The following ERC2 variants were observed in gnomAD, a reference collection of about 807,000 sequenced individuals.
ERC2 encodes ERC protein 2.
In ERC2, 42 loss-of-function variants were observed where a neutral mutation model predicts 114.8. The observed-to-expected ratio is 0.37, with a 90% CI of 0.29 to 0.47. The LOEUF (loss-of-function observed/expected upper bound fraction) is 0.47. ERC2 is among the 20% of genes least tolerant of loss of function. ERC2 has a pLI of 0.99. For missense variants in ERC2, 939 were observed against 1,150.7 expected, an observed-to-expected ratio of 0.82 and a Z score of 2.66; for synonymous variants, 454 against 425.5, an observed-to-expected ratio of 1.07 and a Z score of -0.82.
intron 2 of ERC2, among the ~76,000 whole-genome samples, chr3:56,387,592 G>A (rs1210391381): frequency 2.0e-5 from 3 of 152,264 alleles, no homozygotes; most frequent in Middle Eastern, 3.4e-3. Flanking sequence ...CAACACTGTC[G>A]CCTTTGCTAA....
chr3:55,579,033 T>C (rs2057128015), intron 17 of ERC2, among the ~76,000 whole-genome samples: 1 of 152,168 alleles, frequency 6.6e-6, no homozygotes, highest in South Asian at 2.1e-4. Flanking sequence ...TACATTCTGT[T>C]GGTCAAAGGA....
intron 2 of ERC2, among the ~76,000 whole-genome samples, chr3:56,386,635 G>A (rs2059943282): frequency 6.6e-6 from 1 of 151,984 alleles, no homozygotes; most frequent in Non-Finnish European, 1.5e-5. Context: ...AGCAGGGCTT[G>A]GGACCTGCTG....
chr3:56,136,204 A>T (rs2080495744), intron 6 of ERC2, among the ~76,000 whole-genome samples: 1 of 152,088 alleles, frequency 6.6e-6, no homozygotes, highest in South Asian at 2.1e-4. Flanking sequence ...CTGGTAGCAA[A>T]ACCTTCTTTA....
chr3:55,966,334 T>C (rs1388077955), intron 12 of ERC2, among the ~76,000 whole-genome samples: 1 of 152,120 alleles, frequency 6.6e-6, no homozygotes, highest in Admixed American at 6.6e-5. Flanking sequence ...CCCTTTCTAG[T>C]TTCCACCTGG....
At chr3:56,071,472 T>C (rs1560123689) in intron 7 of ERC2, among the ~76,000 whole-genome samples, 1 of 152,236 alleles carries the variant, frequency 6.6e-6, no homozygotes, top group Non-Finnish European at 1.5e-5. Context: ...CATGTCTTCC[T>C]GTCTTCAAGA....
chr3:55,821,739 A>G (rs905652894), intron 14 of ERC2, among the ~76,000 whole-genome samples: 2 of 152,208 alleles, frequency 1.3e-5, no homozygotes, highest in African/African-American at 4.8e-5. Flanking sequence ...CATTAACCTA[A>G]TAACACCTAA....
At chr3:55,975,537 TAAA>T (rs1371786329) in intron 12 of ERC2, among the ~76,000 whole-genome samples, 1 of 152,200 alleles carries the variant, frequency 6.6e-6, no homozygotes, top group Non-Finnish European at 1.5e-5. Context: ...TTTTGTCTTT[TAAA>T]AAAATTTCAT....
chr3:55,724,744 T>C (rs1385734063), intron 15 of ERC2, among the ~76,000 whole-genome samples: 1 of 152,182 alleles, frequency 6.6e-6, no homozygotes, highest in East Asian at 1.9e-4. Context: ...TAAGCCTCAC[T>C]GAAGCAATGT....
At chr3:56,300,553 A>T (rs1016066178) in intron 2 of ERC2, among the ~76,000 whole-genome samples, 1 of 152,210 alleles carries the variant, frequency 6.6e-6, no homozygotes, top group Non-Finnish European at 1.5e-5. Context: ...AAACTGTAAA[A>T]GCAAAGAGGT....
Position 56,434,584 on chromosome 3 carries a change from C to T in ERC2, c.424G>A (p.Val142Ile), listed in dbSNP as rs779782916. 1 of 1,613,944 alleles carries T rather than the reference C, an allele frequency of 6.2e-7. No individual in the cohort carries two copies. The highest frequency in any genetic ancestry group is 8.5e-7 in the Non-Finnish European group (1 of 1,179,898). The change falls in exon 2 of 18, where the codon GTA becomes ATA. Residue 142 changes from valine to isoleucine, a missense_variant. By Grantham distance (29) the Val-to-Ile change is conservative. This residue lies in a region of ERC2 where 281 missense variants were observed against 307.4 expected (regional missense o/e 0.91). Coordinates refer to ENST00000288221, the MANE Select transcript of ERC2 (RefSeq NM_015576.3). ...HHQVPSMLRQ[V>I]RDSTMLDLQA... ...AGATCTAACATTGTGCTGTCTCTTA[C>T]CTGCCTCAACATGGAGGGGACCTGG...
chr3:56,258,573 G>A (rs2052683854), intron 3 of ERC2, among the ~76,000 whole-genome samples: 2 of 152,226 alleles, frequency 1.3e-5, no homozygotes, highest in Admixed American at 1.3e-4. Flanking sequence ...AGAATGGCGT[G>A]AACCCGGGAG....
intron 3 of ERC2, among the ~76,000 whole-genome samples, chr3:56,266,285 C>A (rs959385829): frequency 2.0e-5 from 3 of 151,242 alleles, no homozygotes; most frequent in Admixed American, 6.6e-5. Context: ...CGCCCACCAC[C>A]ATGCCCAGCT....
At chr3:56,087,335 T>C (rs965532819) in intron 6 of ERC2, among the ~76,000 whole-genome samples, 1 of 152,110 alleles carries the variant, frequency 6.6e-6, no homozygotes, top group African/African-American at 2.4e-5. Context: ...GGCAATGAAA[T>C]TGGCAAAACG....
intron 1 of ERC2, among the ~76,000 whole-genome samples, chr3:56,453,338 T>C (rs1314705262): frequency 6.6e-6 from 1 of 152,188 alleles, no homozygotes; most frequent in Non-Finnish European, 1.5e-5. Flanking sequence ...AAAGGCTCCT[T>C]CAGCCTGTGT....
rs923968976 is a variant in ERC2, at chr3:55,798,548, A to G, written c.2565-63630T>C. Reference sequence around the variant, plus strand: ...GGGAGGCGGAGGTTGCAGTGAGCCAAGACCATGCCACTGCACTATAGTATG... The same window carrying G: ...GGGAGGCGGAGGTTGCAGTGAGCCAGGACCATGCCACTGCACTATAGTATG... On this transcript the variant is annotated intron_variant, in intron 14 of 17. Transcript: ENST00000288221. 2.0e-5 allele frequency among the ~76,000 whole-genome samples: 3 copies of G among 152,014 alleles called. No individual in the cohort carries two copies. In the East Asian group the frequency reaches 5.8e-4, roughly 29 times the overall value.
At chr3:55,808,546 G>A (rs889272370) in intron 14 of ERC2, among the ~76,000 whole-genome samples, 13 of 151,782 alleles carry the variant, frequency 8.6e-5, no homozygotes, top group Admixed American at 5.9e-4. Flanking sequence ...GGAGAGGAGG[G>A]AGGGTTGGCA....
intron 3 of ERC2, among the ~76,000 whole-genome samples, chr3:56,259,544 T>G (rs544563265): frequency 6.6e-6 from 1 of 152,088 alleles, no homozygotes; most frequent in East Asian, 1.9e-4. Context: ...ACAACAGGTA[T>G]GGGGGAGGAA....
chr3:56,229,472 G>C (rs1184780261), intron 3 of ERC2, among the ~76,000 whole-genome samples: 1 of 152,178 alleles, frequency 6.6e-6, no homozygotes. Flanking sequence ...ATGGAACTAG[G>C]ACTCTTTCAT....
intron 3 of ERC2, among the ~76,000 whole-genome samples, chr3:56,267,687 G>A (rs1357981110): frequency 6.6e-6 from 1 of 152,110 alleles, no homozygotes; most frequent in Non-Finnish European, 1.5e-5. Flanking sequence ...GCTGAGGCAG[G>A]AGAATCACTT....
Sources: allele counts gnomAD v4.1 joint callset (sites outside exome capture counted in the v4.1 genomes callset), GRCh38; gene constraint gnomAD v4.1.1; regional missense constraint gnomAD v4.1.1; transcripts MANE v1.5; gene names NCBI Gene and HGNC (gene_info 2026-07-23, HGNC 2026-07-21).